MMP25: variants seen among roughly 807,000 people sequenced by gnomAD.
MMP25 encodes the protein matrix metallopeptidase 25, also known as matrix metalloproteinase-25.
In MMP25, 68 loss-of-function variants were observed where a neutral mutation model predicts 62.1. That is an observed-to-expected ratio of 1.10 (90% CI 0.90 to 1.34). The LOEUF (loss-of-function observed/expected upper bound fraction) is 1.34, where lower values mean the gene tolerates loss of function less well. Among genes scored for constraint, MMP25 ranks in the 40% most tolerant of loss-of-function variants. The pLI is 0.00. For synonymous variants in MMP25, 407 were observed against 345.6 expected, an observed-to-expected ratio of 1.18 and a Z score of -1.97; for missense variants, 942 against 792.5, an observed-to-expected ratio of 1.19 and a Z score of -2.26.
rs781771303 is a variant in MMP25, at chr16:3,050,500, G to A, written c.615G>A (p.Gly205=). 2 of 1,592,932 alleles carry A rather than the reference G, an allele frequency of 1.3e-6. No individual in the cohort carries two copies. The highest frequency in any genetic ancestry group is 1.7e-5 in the Admixed American group (1 of 57,662). Residue 205 remains glycine, a synonymous_variant, in exon 4 of 10, where the codon GGG becomes GGA. Coordinates refer to ENST00000336577, the MANE Select transcript of MMP25 (RefSeq NM_022468.5). ...TCCCTGGGGAGCACCCCATCTCCGG[G>A]GACACTCACTTTGACGATGAGGAGA... is the stretch of plus-strand genomic sequence containing the variant. ...AFFPGEHPIS[G]DTHFDDEETW...
At chr16:3,056,874 A>T (rs1956018278) in intron 4 of MMP25, 159 bp from the exon 5 acceptor site, 1 of 640,590 alleles carries the variant, frequency 1.6e-6, no homozygotes, top group African/African-American at 1.9e-5. Context: ...GGAGACAGGG[A>T]TGATGGAGAG....
rs988712561 is a variant in MMP25, at chr16:3,058,351, C to T, written c.1159+18C>T. The T allele has an allele frequency of 3.3e-6, 5 of 1,523,156 alleles. No individual in the cohort carries two copies. Among genetic ancestry groups the T allele is most frequent in the Non-Finnish European group, 2.6e-6 (3 of 1,137,488 alleles). The allele number at this position is 1,523,156 out of a possible 1,614,324, so 94.4% of individuals were successfully genotyped here. A position where few individuals can be genotyped will look rare whatever the true frequency, so the allele number is the denominator to read the frequency against. On this transcript the variant is annotated intron_variant, in intron 8 of 9. Coordinates refer to ENST00000336577, the MANE Select transcript of MMP25 (RefSeq NM_022468.5). ...CTTTAGCGGTGAGTGGGGCCGGCGGCGGGGCGCGCTGGGGCCGGCGCGGGG... is the reference window on the plus strand; with the variant it reads ...CTTTAGCGGTGAGTGGGGCCGGCGGTGGGGCGCGCTGGGGCCGGCGCGGGG...
chr16:3,050,102 CTCTGAG>C lies in MMP25; in HGVS notation c.327_332del (p.Leu110_Ser111del). On this transcript the variant is annotated inframe_deletion, in exon 3 of 10. Transcript: ENST00000336577. ...CTGGTCAGGCGGCGTCGCCGGTACG[CTCTGAG>C]CGGCAGCGTGTGGAAGAAGCGAACC... 1.2e-6 allele frequency: 2 copies of C among 1,611,144 alleles called. No individual in the cohort carries two copies. Among genetic ancestry groups the C allele is most frequent in the Non-Finnish European group, 1.7e-6 (2 of 1,179,230 alleles).
chr16:3,048,616 C>T (rs554470921), intron 2 of MMP25, among the ~76,000 whole-genome samples: 3 of 152,032 alleles, frequency 2.0e-5, no homozygotes, highest in South Asian at 2.1e-4. Flanking sequence ...GAAGAGTGTC[C>T]CGGGCAAGTG....
At chr16:3,056,841 A>G (rs1956017821) in intron 4 of MMP25, 192 bp from the exon 5 acceptor site, 2 of 565,468 alleles carry the variant, frequency 3.5e-6, no homozygotes, top group Non-Finnish European at 6.1e-6. Context: ...AGTGTCCATC[A>G]CAGCCATGCT....
Position 3,057,395 on chromosome 16 carries a change from G to T in MMP25, c.923+1G>T, listed in dbSNP as rs763420245. 1 of 1,611,430 alleles carries T rather than the reference G, an allele frequency of 6.2e-7. No homozygotes were observed. The highest frequency in any genetic ancestry group is 1.7e-5 in the Admixed American group (1 of 59,796). On this transcript the variant is annotated splice_donor_variant, in intron 6 of 9. Transcript: ENST00000336577. LOFTEE classifies it high-confidence loss of function. ...AGCCCCCGGCCTCGCCCACACACAG[G>T]TGAGTCCCCCACCAACTCGGAGACC...
In MMP25 at chr16:3,057,120, T is replaced by G. The variant is rs754304077; in HGVS notation, c.749T>G (p.Ile250Ser). The change falls in exon 5 of 10, where the codon ATT becomes AGT. Residue 250 changes from isoleucine (I) to serine (S), a missense_variant. Coordinates refer to ENST00000336577, the MANE Select transcript of MMP25 (RefSeq NM_022468.5). Reference sequence around the variant, plus strand: ...GGCCACTCCTCAGCCCCCAACTCCATTATGAGGCCCTTCTACCAGGGTCCG... The same window carrying G: ...GGCCACTCCTCAGCCCCCAACTCCAGTATGAGGCCCTTCTACCAGGGTCCG... ...GLGHSSAPNSIMRPFYQGPVG... is the reference protein window; with the variant it reads ...GLGHSSAPNSSMRPFYQGPVG... 2 of 1,613,376 alleles carry G rather than the reference T, an allele frequency of 1.2e-6. No homozygotes were observed.
chr16:3,051,519 A>T (rs533132037), intron 4 of MMP25: 50 of 152,374 alleles, frequency 3.3e-4, no homozygotes, highest in African/African-American at 1.2e-3. Flanking sequence ...TCACCATGGC[A>T]TCTAGACTGG....
chr16:3,058,743 G>A, intron 9 of MMP25, 74 bp downstream of exon 9: 5 of 1,523,420 alleles, frequency 3.3e-6, no homozygotes, highest in South Asian at 1.3e-5. Context: ...GGGACATGGA[G>A]GCCACCCTGC....
rs1165584711 is a variant in MMP25 at position 3,059,035 on chromosome 16, T to C, written c.1626T>C (p.Arg542=). Residue 542 remains arginine, a synonymous_variant, in exon 10 of 10, where the codon CGT becomes CGC. Coordinates refer to ENST00000336577, the MANE Select transcript of MMP25 (RefSeq NM_022468.5). ...CQCELNQAAG[R]WPAPIPLLLL... is the part of the protein sequence containing the mutation. Reference sequence around the variant, plus strand: ...GCGAGCTCAACCAGGCCGCAGGACGTTGGCCTGCTCCCATCCCGCTGCTCC... The same window carrying C: ...GCGAGCTCAACCAGGCCGCAGGACGCTGGCCTGCTCCCATCCCGCTGCTCC... 1.3e-6 allele frequency: 2 copies of C among 1,552,934 alleles called. No homozygotes were observed. The highest frequency in any genetic ancestry group is 1.7e-6 in the Non-Finnish European group (2 of 1,148,070).
At chr16:3,056,746 T>C (rs941370302) in intron 4 of MMP25, 17 of 358,564 alleles carry the variant, frequency 4.7e-5, no homozygotes, top group Non-Finnish European at 2.5e-5. Flanking sequence ...CACAAAGTGC[T>C]CCCTTCCCAG....
At chr16:3,056,086 G>C in intron 4 of MMP25, 1 of 353,480 alleles carries the variant, frequency 2.8e-6, no homozygotes, top group Non-Finnish European at 5.7e-6. Flanking sequence ...AGGGTAGGGA[G>C]AGGAGGGGCA....
In MMP25 at chr16:3,059,079, G is replaced by C. The variant is rs544102381; in HGVS notation, c.1670G>C (p.Gly557Ala). 9.0e-6 allele frequency: 14 copies of C among 1,547,258 alleles called. No homozygotes were observed. Among genetic ancestry groups the C allele is most frequent in the African/African-American group, 2.7e-5 (2 of 73,106 alleles). The change falls in exon 10 of 10, where the codon GGG becomes GCG. Residue 557 changes from glycine (G) to alanine (A), a missense_variant. Transcript: ENST00000336577. ...CTGCTCCTCTTGCCCCTGCTGGTGG[G>C]GGGTGTAGCCTCCCGCTGATGGGGG... ...IPLLLLPLLVGGVASR is the reference protein window; with the variant it reads ...IPLLLLPLLVAGVASR
At chr16:3,056,993 A>C (rs1064948) in intron 4 of MMP25, 40 bp from the exon 5 acceptor site, 5 of 1,526,952 alleles carry the variant, frequency 3.3e-6, no homozygotes, top group East Asian at 2.3e-5. Context: ...CCTTTCCCCA[A>C]GCAGGGGCGG....
chr16:3,047,537 C>A lies in MMP25; in HGVS notation c.222C>A (p.Thr74=), dbSNP rs7198055. ...AGAGGTTCGCGGGGCTGCCGGAGACCGGCCGCATGGGTAGGTGGCCCCCAC... is the reference window on the plus strand; with the variant it reads ...AGAGGTTCGCGGGGCTGCCGGAGACAGGCCGCATGGGTAGGTGGCCCCCAC... The part of the protein sequence containing the change: ...VMQRFAGLPE[T]GRMDPGTVAT... The change falls in exon 2 of 10, where the codon ACC becomes ACA. Residue 74 remains threonine (T), a synonymous_variant. Transcript: ENST00000336577. 1.2e-6 allele frequency: 2 copies of A among 1,613,136 alleles called. No homozygotes were observed. The highest frequency in any genetic ancestry group is 1.7e-5 in the Admixed American group (1 of 59,998).
chr16:3,056,641 T>A (rs1485537230), intron 4 of MMP25, among the ~76,000 whole-genome samples: 1 of 152,040 alleles, frequency 6.6e-6, no homozygotes, highest in Non-Finnish European at 1.5e-5. Flanking sequence ...TCTTGAACTC[T>A]TGGGCTCAAG....
chr16:3,059,009 T>C lies in MMP25; in HGVS notation c.1600T>C (p.Cys534Arg), dbSNP rs1320649800. The change falls in exon 10 of 10, where the codon TGC (cysteine) becomes CGC (arginine). Residue 534 changes from cysteine to arginine, a missense_variant. Cys to Arg is a radical substitution (Grantham distance 180). Coordinates refer to ENST00000336577, the MANE Select transcript of MMP25 (RefSeq NM_022468.5). Reference protein sequence around the residue: ...TPVSETCDCQCELNQAAGRWP... With the variant: ...TPVSETCDCQRELNQAAGRWP... ...CGTGTCCGAAACCTGCGATTGTCAG[T>C]GCGAGCTCAACCAGGCCGCAGGACG... The C allele has an allele frequency of 1.3e-6, 2 of 1,555,776 alleles. No homozygotes were observed. Among genetic ancestry groups the C allele is most frequent in the East Asian group, 4.8e-5 (2 of 41,382 alleles).
chr16:3,058,974 A>T lies in MMP25; in HGVS notation c.1565A>T (p.Lys522Ile), dbSNP rs1420824665. The change falls in exon 10 of 10, where the codon AAA becomes ATA. Residue 522 changes from lysine to isoleucine, a missense_variant. Coordinates refer to ENST00000336577, the MANE Select transcript of MMP25 (RefSeq NM_022468.5). ...SSGPRAPRPP[K>I]ATPVSETCDC... The stretch of plus-strand genomic sequence containing the variant: ...GGTCCCCGCGCCCCCAGGCCCCCCA[A>T]AGCGACCCCCGTGTCCGAAACCTGC... The T allele has an allele frequency of 6.4e-7, 1 of 1,552,890 alleles. No homozygotes were observed. Among genetic ancestry groups the T allele is most frequent in the Admixed American group, 1.9e-5 (1 of 51,616 alleles).
chr16:3,047,156 G>A (rs1204498389), intron 1 of MMP25, 140 bp downstream of exon 1: 26 of 1,116,790 alleles, frequency 2.3e-5, no homozygotes. Flanking sequence ...CTGTGCTCCC[G>A]GCTTCTTGGG....
Sources: gnomAD v4.1 joint callset for allele counts (sites outside exome capture counted in the v4.1 genomes callset) on GRCh38, gnomAD v4.1.1 for gene constraint, MANE v1.5 for transcripts, NCBI Gene and HGNC (gene_info 2026-07-23, HGNC 2026-07-21) for gene names.